The following NMT1 variants were observed in gnomAD, a reference collection of about 807,000 sequenced individuals.
The protein encoded by NMT1 is N-myristoyltransferase 1.
A neutral mutation model predicts 63.4 loss-of-function variants in NMT1; 12 were observed. That is an observed-to-expected ratio of 0.19 (90% CI 0.12 to 0.31). The LOEUF (loss-of-function observed/expected upper bound fraction) is 0.31. Ranked by LOEUF, NMT1 falls within the 10% of genes least tolerant of loss-of-function variation. The probability of loss-of-function intolerance (pLI) is 1.00; values close to 1 mark genes in which losing one functional copy is unlikely to be tolerated. For missense variants in NMT1, 432 were observed against 634.6 expected (o/e 0.68, Z 3.43); for synonymous variants, 228 against 234.3 (o/e 0.97, Z 0.25).
intron 7 of NMT1, 75 bp from the exon 8 acceptor site, chr17:45,099,330 T>TG (rs1176320710): frequency 2.0e-6 from 2 of 1,013,672 alleles, no homozygotes; most frequent in African/African-American, 3.1e-5. Flanking sequence ...GCTGGCCAGC[T>TG]GGGGTCTCCC....
At chr17:45,098,277 C>T (rs1008159650) in intron 6 of NMT1, 105 bp from the exon 7 acceptor site, 97 of 1,052,376 alleles carry the variant, frequency 9.2e-5, no homozygotes, top group Middle Eastern at 4.6e-4. Context: ...AAAGTACACC[C>T]GTGCTGCAGA....
rs1429689155 is a variant in NMT1, at chr17:45,069,266, A to ATTT, written c.131+7810_131+7812dup. Among the ~76,000 whole-genome samples the ATTT allele has an allele frequency of 7.3e-5, 8 of 109,850 alleles. No individual in the cohort carries two copies. The South Asian group carries it at 1.6e-3, about 22-fold the overall frequency. 72.1% of individuals were successfully genotyped at this position (109,850 alleles called of 152,430 possible). On this transcript the variant is annotated intron_variant, in intron 1 of 11. Coordinates refer to ENST00000258960, the MANE Select transcript of NMT1 (RefSeq NM_021079.5). The stretch of plus-strand genomic sequence containing the variant: ...GAGCCACCATGCCTGGCCAGACTTT[A>ATTT]TTTTTTATTATTTATTTATTTATTT...
At chr17:45,061,592 C>T (rs1295856336) in intron 1 of NMT1, 132 bp downstream of exon 1, 2 of 774,346 alleles carry the variant, frequency 2.6e-6, no homozygotes, top group Non-Finnish European at 4.1e-6. Context: ...TAGGATTCTG[C>T]CTGGCGATTG....
intron 1 of NMT1, among the ~76,000 whole-genome samples, chr17:45,066,052 A>G (rs116487507): frequency 0.046 from 6,945 of 151,900 alleles, 518 homozygotes; most frequent in African/African-American, 0.16. Flanking sequence ...ATAGTACTCT[A>G]TGCTAATAAA....
intron 1 of NMT1, among the ~76,000 whole-genome samples, chr17:45,063,270 A>G (rs2053880093): frequency 6.6e-6 from 1 of 151,404 alleles, no homozygotes; most frequent in Non-Finnish European, 1.5e-5. Context: ...TGCCAAATTT[A>G]GTTTTTATAA....
Position 45,105,959 on chromosome 17 carries a change from G to A in NMT1, c.*320G>A. 6.4e-6 allele frequency: 1 copy of A among 156,678 alleles called. No individual in the cohort carries two copies. The highest frequency in any genetic ancestry group is 1.4e-5 in the Non-Finnish European group (1 of 72,724). The allele number at this position is 156,678 out of a possible 1,614,324, so 9.7% of individuals were successfully genotyped here. On this transcript the variant is annotated 3_prime_UTR_variant, in exon 12 of 12. Transcript: ENST00000258960. The surrounding 1 kb of genome is among the most constrained non-coding windows in gnomAD (Gnocchi z 4.2). ...TGGAGTTAACGGGTGAATAATAAAA[G>A]TATATATATATATTATATATATATA...
chr17:45,070,400 G>C (rs1289059076), intron 1 of NMT1, among the ~76,000 whole-genome samples: 7 of 151,812 alleles, frequency 4.6e-5, no homozygotes, highest in Non-Finnish European at 7.4e-5. Flanking sequence ...ACAGGCACCC[G>C]CCACCATGCC....
intron 1 of NMT1, among the ~76,000 whole-genome samples, chr17:45,067,062 C>T (rs907859640): frequency 3.9e-5 from 6 of 152,092 alleles, no homozygotes; most frequent in African/African-American, 1.4e-4. Context: ...CCCCCAGTTA[C>T]GTGCCTAGCG....
chr17:45,061,523 G>C, intron 1 of NMT1, 63 bp downstream of exon 1: 1 of 1,501,190 alleles, frequency 6.7e-7, no homozygotes, highest in South Asian at 1.2e-5. Context: ...TCTGGGGTGC[G>C]GGGAAGTCAC....
chr17:45,066,695 T>A (rs187361755), intron 1 of NMT1, among the ~76,000 whole-genome samples: 48 of 152,134 alleles, frequency 3.2e-4, no homozygotes, highest in Middle Eastern at 3.4e-3. Flanking sequence ...TATTTAAAAA[T>A]TTTTTAATTT....
chr17:45,090,637 C>A (rs977084361), intron 3 of NMT1, among the ~76,000 whole-genome samples: 6 of 152,138 alleles, frequency 3.9e-5, no homozygotes, highest in Non-Finnish European at 8.8e-5. Flanking sequence ...CTCATTTCTC[C>A]GAAGTCCTTC....
chr17:45,104,975 C>T lies in NMT1; in HGVS notation c.1449C>T (p.Cys483=), dbSNP rs767877724. Residue 483 remains cysteine, a synonymous_variant, in exon 11 of 12, where the codon TGC becomes TGT. Transcript: ENST00000258960. The surrounding 1 kb of genome is among the most constrained non-coding windows in gnomAD (Gnocchi z 4.2). ...NLQYYLYNWK[C]PSMGAEKVGL... ...AGTATTACCTTTACAATTGGAAATG[C>T]CCCAGCATGGGGGCAGAGAAGGTAG... The T allele has an allele frequency of 2.5e-6, 4 of 1,614,136 alleles. No homozygotes were observed. In the South Asian group the frequency reaches 4.4e-5, roughly 18 times the overall value.
At chr17:45,075,211 C>T (rs1367689544) in intron 1 of NMT1, among the ~76,000 whole-genome samples, 1 of 152,072 alleles carries the variant, frequency 6.6e-6, no homozygotes, top group South Asian at 2.1e-4. Flanking sequence ...CAGCCAGGTG[C>T]GGTGGCTCAC....
At chr17:45,079,713 T>C (rs543737239) in intron 1 of NMT1, among the ~76,000 whole-genome samples, 1 of 152,314 alleles carries the variant, frequency 6.6e-6, no homozygotes, top group Admixed American at 6.5e-5. Context: ...TTATTTTTAT[T>C]TTTTGAGACG....
intron 5 of NMT1, among the ~76,000 whole-genome samples, chr17:45,096,541 AC>A (rs1027855759): frequency 6.7e-6 from 1 of 149,882 alleles, no homozygotes; most frequent in Non-Finnish European, 1.5e-5. Context: ...TTGTCTGGTG[AC>A]TTTATATAAG....
intron 6 of NMT1, 104 bp downstream of exon 6, chr17:45,097,348 G>A (rs2054131824): frequency 1.1e-6 from 1 of 909,210 alleles, no homozygotes; most frequent in Non-Finnish European, 1.8e-6. Context: ...AAGGAAGAGG[G>A]AAGGTCTCAG....
In NMT1 at chr17:45,104,437, T is replaced by C. The variant is rs929540019; in HGVS notation, c.1333-422T>C. ...ACAGCAGGTGTCATACAACATGAGGTGCACTGAGGGCCTGAGAGTTGGGGC... is the reference window on the plus strand; with the variant it reads ...ACAGCAGGTGTCATACAACATGAGGCGCACTGAGGGCCTGAGAGTTGGGGC... On this transcript the variant is annotated intron_variant, in intron 10 of 11. Transcript: ENST00000258960. The surrounding 1 kb of genome is among the most constrained non-coding windows in gnomAD (Gnocchi z 4.2). 1.2e-5 allele frequency: 13 copies of C among 1,098,626 alleles called. No homozygotes were observed. Among genetic ancestry groups the C allele is most frequent in the Non-Finnish European group, 1.3e-5 (12 of 898,180 alleles). The allele number at this position is 1,098,626 out of a possible 1,614,324, so 68.1% of individuals were successfully genotyped here.
intron 1 of NMT1, among the ~76,000 whole-genome samples, chr17:45,066,741 G>T (rs1257695110): frequency 6.6e-6 from 1 of 151,978 alleles, no homozygotes; most frequent in Non-Finnish European, 1.5e-5. Flanking sequence ...TGGAAACAGG[G>T]CCTCGCTCTG....
rs2054222530 is a variant in NMT1 at position 45,108,993 on chromosome 17, A to T, written c.*3354A>T. 1 of 152,602 alleles carries T rather than the reference A, an allele frequency of 6.6e-6. No homozygotes were observed. The highest frequency in any genetic ancestry group is 1.9e-4 in the East Asian group (1 of 5,198). The allele number at this position is 152,602 out of a possible 1,614,324, so 9.5% of individuals were successfully genotyped here. On this transcript the variant is annotated 3_prime_UTR_variant, in exon 12 of 12. Transcript: ENST00000258960. ...TGCTCAATACATCTCACTTGTTTCTAATAAAGAAAGCAGCTGAACAAAACC... is the reference window on the plus strand; with the variant it reads ...TGCTCAATACATCTCACTTGTTTCTTATAAAGAAAGCAGCTGAACAAAACC...
Sources: gnomAD v4.1 joint callset for allele counts (sites outside exome capture counted in the v4.1 genomes callset) on GRCh38, gnomAD v4.1.1 for gene constraint, Gnocchi (gnomAD v3.1) non-coding constraint, MANE v1.5 for transcripts, NCBI Gene and HGNC (gene_info 2026-07-23, HGNC 2026-07-21) for gene names.